Variants in P3H2 observed in about 807,000 individuals in gnomAD.
P3H2 encodes the protein prolyl 3-hydroxylase 2, also known as leprecan-like 1.
A neutral mutation model predicts 87.0 loss-of-function variants in P3H2; 80 were observed. The observed-to-expected ratio is 0.92, with a 90% CI of 0.77 to 1.11. The LOEUF (loss-of-function observed/expected upper bound fraction) is 1.11. Among genes scored for constraint, P3H2 ranks in the 50% least tolerant of loss-of-function variants. P3H2 has a pLI of 0.00. For synonymous variants in P3H2, 367 were observed against 359.3 expected, an observed-to-expected ratio of 1.02 and a Z score of -0.24; for missense variants, 1,001 against 923.9, an observed-to-expected ratio of 1.08 and a Z score of -1.08.
intron 1 of P3H2, among the ~76,000 whole-genome samples, chr3:190,041,154 C>A (rs1442691765): frequency 7.1e-6 from 1 of 140,442 alleles, no homozygotes; most frequent in Non-Finnish European, 1.5e-5. Flanking sequence ...CACCTGTAGC[C>A]CCAGCTACTT....
At position 190,120,866 on chromosome 3, in the gene P3H2, G is replaced by A; in HGVS notation, c.-135C>T. 1 of 1,355,926 alleles carries A rather than the reference G, an allele frequency of 7.4e-7. No homozygotes were observed. The highest frequency in any genetic ancestry group is 3.0e-5 in the East Asian group (1 of 33,774). The allele number at this position is 1,355,926 out of a possible 1,614,324, so 84.0% of individuals were successfully genotyped here. On this transcript the variant is annotated 5_prime_UTR_variant, in exon 1 of 15. Coordinates refer to ENST00000319332, the MANE Select transcript of P3H2 (RefSeq NM_018192.4). ...CGATCTGGCCGCTCCGCGAGCCCCA[G>A]GTGACCGCCGGCGCTCCGCGTACTG... is the stretch of plus-strand genomic sequence containing the variant.
intron 1 of P3H2, among the ~76,000 whole-genome samples, chr3:190,023,433 C>G (rs986770326): frequency 4.6e-5 from 7 of 152,114 alleles, no homozygotes; most frequent in African/African-American, 1.7e-4. Flanking sequence ...AAACTTACAA[C>G]CAGGGAGGAT....
At chr3:190,003,598 A>G (rs1724287512) in intron 1 of P3H2, among the ~76,000 whole-genome samples, 1 of 152,196 alleles carries the variant, frequency 6.6e-6, no homozygotes, top group South Asian at 2.1e-4. Context: ...ACTTCCTACC[A>G]AGGGAACAGC....
At chr3:190,084,341 T>C (rs1458543006) in intron 1 of P3H2, among the ~76,000 whole-genome samples, 1 of 152,234 alleles carries the variant, frequency 6.6e-6, no homozygotes, top group Non-Finnish European at 1.5e-5. Context: ...ACAATTAATC[T>C]GATGATTTCA....
chr3:190,079,729 C>G (rs1214959825), intron 1 of P3H2, among the ~76,000 whole-genome samples: 1 of 152,154 alleles, frequency 6.6e-6, no homozygotes, highest in Non-Finnish European at 1.5e-5. Flanking sequence ...TGAACCTCCC[C>G]CTTCTTAATT....
intron 1 of P3H2, among the ~76,000 whole-genome samples, chr3:190,094,554 C>T (rs1235296671): frequency 6.6e-6 from 1 of 152,156 alleles, no homozygotes; most frequent in Non-Finnish European, 1.5e-5. Context: ...GGCACAGCTC[C>T]ATAACCATTG....
chr3:190,075,490 AAAAAAAAG>A (rs1258427287), intron 1 of P3H2, among the ~76,000 whole-genome samples: 24 of 151,910 alleles, frequency 1.6e-4, no homozygotes, highest in African/African-American at 5.6e-4. Context: ...CGTCTCAAAA[AAAAAAAAG>A]AAAAAAAGAA....
intron 1 of P3H2, among the ~76,000 whole-genome samples, chr3:190,091,883 G>A (rs1407399247): frequency 6.6e-6 from 1 of 152,196 alleles, no homozygotes; most frequent in Admixed American, 6.5e-5. Flanking sequence ...TAGGAACAAC[G>A]TGGAACTAGG....
chr3:190,088,798 A>G (rs983045066), intron 1 of P3H2, among the ~76,000 whole-genome samples: 3 of 152,222 alleles, frequency 2.0e-5, no homozygotes, highest in Admixed American at 2.0e-4. Flanking sequence ...AATTTTATGT[A>G]GCATTTTTAT....
At chr3:189,988,605 G>C (rs1723780142) in intron 4 of P3H2, among the ~76,000 whole-genome samples, 1 of 152,160 alleles carries the variant, frequency 6.6e-6, no homozygotes, top group Admixed American at 6.5e-5. Flanking sequence ...TGGAAAGGAA[G>C]AGGATTTTGC....
chr3:189,991,904 G>A (rs1288396733), intron 3 of P3H2, among the ~76,000 whole-genome samples: 1 of 152,198 alleles, frequency 6.6e-6, no homozygotes, highest in East Asian at 1.9e-4. Context: ...GCAACAAGGA[G>A]GCAATCACTG....
chr3:190,039,274 A>G (rs1725525966), intron 1 of P3H2, among the ~76,000 whole-genome samples: 1 of 152,200 alleles, frequency 6.6e-6, no homozygotes, highest in African/African-American at 2.4e-5. Flanking sequence ...CACTAATAGT[A>G]ACAGAATCCC....
Position 190,020,314 on chromosome 3 carries a change from A to G in P3H2, c.481-24872T>C, listed in dbSNP as rs1041769991. Among the ~76,000 whole-genome samples the G allele has an allele frequency of 2.2e-5, 3 of 135,078 alleles. 1 individual carries two copies. The highest frequency in any genetic ancestry group is 7.7e-5 in the African/African-American group (3 of 39,010). The allele number at this position is 135,078 out of a possible 152,430, so 88.6% of individuals were successfully genotyped here. On this transcript the variant is annotated intron_variant, in intron 1 of 14. Transcript: ENST00000319332. ...CTAATGTAAACGTCAAAGGATTTAG[A>G]AAAAAGTAAAATGAATTAGAATTTT... is the stretch of plus-strand genomic sequence containing the variant.
intron 1 of P3H2, among the ~76,000 whole-genome samples, chr3:190,000,586 C>G (rs71310846): frequency 2.0e-3 from 302 of 152,304 alleles, no homozygotes; most frequent in Non-Finnish European, 3.1e-3. Flanking sequence ...ATTCATTCAT[C>G]AAAGATTTCT....
intron 1 of P3H2, among the ~76,000 whole-genome samples, chr3:190,029,053 T>C (rs1725173932): frequency 6.6e-6 from 1 of 152,120 alleles, no homozygotes; most frequent in African/African-American, 2.4e-5. Context: ...TAAAGAAAAA[T>C]TTTCTCTGGT....
intron 1 of P3H2, 114 bp from the exon 2 acceptor site, chr3:189,995,556 G>GTTTT (rs1553874169): frequency 1.4e-4 from 115 of 839,544 alleles, no homozygotes; most frequent in Middle Eastern, 7.1e-4. Context: ...AGGAGCCTTG[G>GTTTT]TTTTTTTTTT....
chr3:189,991,196 A>G (rs1471952532), intron 3 of P3H2, among the ~76,000 whole-genome samples: 4 of 152,234 alleles, frequency 2.6e-5, no homozygotes. Context: ...GATCTGGCAG[A>G]GATCCAAAAA....
intron 5 of P3H2, 87 bp from the exon 6 acceptor site, chr3:189,986,964 T>C: frequency 1.1e-6 from 1 of 888,274 alleles, no homozygotes; most frequent in Non-Finnish European, 1.9e-6. Context: ...ATATTTTCAT[T>C]AGATAGTCAC....
At chr3:190,089,500 C>T (rs1323222290) in intron 1 of P3H2, among the ~76,000 whole-genome samples, 2 of 152,124 alleles carry the variant, frequency 1.3e-5, no homozygotes, top group Non-Finnish European at 2.9e-5. Flanking sequence ...TAAAAAACAC[C>T]TTAATGTCTC....
Sources: gnomAD v4.1 joint callset for allele counts (sites outside exome capture counted in the v4.1 genomes callset) on GRCh38, gnomAD v4.1.1 for gene constraint, MANE v1.5 for transcripts, NCBI Gene and HGNC (gene_info 2026-07-23, HGNC 2026-07-21) for gene names.